The following SLC38A1 variants were observed in gnomAD, a reference collection of about 807,000 sequenced individuals.
SLC38A1 encodes sodium-coupled neutral amino acid symporter 1.
A neutral mutation model predicts 60.3 loss-of-function variants in SLC38A1; 18 were observed. That is an observed-to-expected ratio of 0.30 (90% CI 0.21 to 0.44). The LOEUF (loss-of-function observed/expected upper bound fraction) is 0.44. Ranked by LOEUF, SLC38A1 falls within the 20% of genes least tolerant of loss-of-function variation. The probability of loss-of-function intolerance (pLI) is 1.00; values close to 1 mark genes in which losing one functional copy is unlikely to be tolerated. For missense variants in SLC38A1, 448 were observed against 587.2 expected, an observed-to-expected ratio of 0.76 and a Z score of 2.45; for synonymous variants, 196 against 212.1, an observed-to-expected ratio of 0.92 and a Z score of 0.66.
At chr12:46,256,607 G>A (rs1009213059) in intron 1 of SLC38A1, among the ~76,000 whole-genome samples, 5 of 92,880 alleles carry the variant, frequency 5.4e-5, no homozygotes, top group African/African-American at 1.2e-4. Context: ...GTTTGCGCGC[G>A]CGCGCGCACA....
Position 46,207,147 on chromosome 12 carries a change from T to C in SLC38A1, c.563+8A>G. 1 of 1,590,796 alleles carries C rather than the reference T, an allele frequency of 6.3e-7. No homozygotes were observed. The highest frequency in any genetic ancestry group is 8.6e-7 in the Non-Finnish European group (1 of 1,164,276). On this transcript the variant is annotated splice_region_variant and intron_variant, in intron 8 of 16. Transcript: ENST00000398637. ...AGTTATATCATAAAAAAATGGTCTA[T>C]AACTTACGAAAATGTCTCTTCCTTT...
At chr12:46,260,504 A>G (rs1565799982) in intron 1 of SLC38A1, among the ~76,000 whole-genome samples, 3 of 152,232 alleles carry the variant, frequency 2.0e-5, no homozygotes, top group Admixed American at 1.3e-4. Context: ...GGCATGAAAG[A>G]GAGGTTATCT....
chr12:46,188,814 A>G lies in SLC38A1; in HGVS notation c.*156T>C, dbSNP rs1939024522. On this transcript the variant is annotated 3_prime_UTR_variant, in exon 17 of 17. Coordinates refer to ENST00000398637, the MANE Select transcript of SLC38A1 (RefSeq NM_030674.4). ...GAGGGACATGAAGCATTATAGAACC[A>G]TGTCTCTGTTTTGCAACCAAAAAGT... The G allele has an allele frequency of 1.7e-6, 1 of 581,824 alleles. No homozygotes were observed. Among genetic ancestry groups the G allele is most frequent in the Non-Finnish European group, 3.0e-6 (1 of 328,196 alleles). 36.0% of individuals were successfully genotyped at this position (581,824 alleles called of 1,614,324 possible).
intron 1 of SLC38A1, among the ~76,000 whole-genome samples, chr12:46,248,244 T>C (rs1396562834): frequency 6.6e-6 from 1 of 152,034 alleles, no homozygotes; most frequent in African/African-American, 2.4e-5. Flanking sequence ...GACTGGCAAA[T>C]TGGATAAAGA....
At chr12:46,190,299 T>C (rs1054999498) in intron 16 of SLC38A1, among the ~76,000 whole-genome samples, 4 of 152,232 alleles carry the variant, frequency 2.6e-5, no homozygotes, top group Non-Finnish European at 5.9e-5. Flanking sequence ...TACGATTCCA[T>C]GGTGTACATG....
rs1938866696 is a variant in SLC38A1, at chr12:46,184,342, G to T, written c.*4628C>A. 1 of 152,154 alleles carries T rather than the reference G, an allele frequency of 6.6e-6. No homozygotes were observed. Among genetic ancestry groups the T allele is most frequent in the Non-Finnish European group, 1.5e-5 (1 of 68,012 alleles). 9.4% of individuals were successfully genotyped at this position (152,154 alleles called of 1,614,324 possible). On this transcript the variant is annotated 3_prime_UTR_variant, in exon 17 of 17. Transcript: ENST00000398637. Reference sequence around the variant, plus strand: ...ACCTGCCATCCCCAAGGAAAATCATGTATTAGTATTGCTAAATGATGGTCT... The same window carrying T: ...ACCTGCCATCCCCAAGGAAAATCATTTATTAGTATTGCTAAATGATGGTCT...
At chr12:46,201,255 T>G in intron 12 of SLC38A1, 57 bp from the exon 13 acceptor site, 1 of 1,366,710 alleles carries the variant, frequency 7.3e-7, no homozygotes, top group Non-Finnish European at 1.0e-6. Flanking sequence ...TAAGCACCAG[T>G]GTTAACATTG....
intron 1 of SLC38A1, among the ~76,000 whole-genome samples, chr12:46,262,192 CA>C (rs1942218235): frequency 6.6e-6 from 1 of 152,202 alleles, no homozygotes; most frequent in Non-Finnish European, 1.5e-5. Context: ...CTCTTGTCTT[CA>C]AGTTCCCATA....
intron 5 of SLC38A1, among the ~76,000 whole-genome samples, chr12:46,215,904 T>C (rs1421570843): frequency 6.6e-6 from 1 of 152,200 alleles, no homozygotes; most frequent in Admixed American, 6.5e-5. Flanking sequence ...GATCTATCAC[T>C]GTCTCCTAAT....
intron 8 of SLC38A1, 130 bp downstream of exon 8, chr12:46,207,025 G>T: frequency 1.6e-6 from 1 of 632,268 alleles, no homozygotes; most frequent in Non-Finnish European, 2.7e-6. Context: ...ATTTATTGTT[G>T]AAACAACAAA....
In SLC38A1 at chr12:46,207,185, T is replaced by C; in HGVS notation, c.533A>G (p.Lys178Arg). 6.2e-7 allele frequency: 1 copy of C among 1,613,018 alleles called. No homozygotes were observed. Among genetic ancestry groups the C allele is most frequent in the South Asian group, 1.1e-5 (1 of 90,830 alleles). The change falls in exon 8 of 17, where the codon AAG (lysine) becomes AGG (arginine). Residue 178 changes from lysine to arginine, a missense_variant. This residue lies in a region of SLC38A1 where 346 missense variants were observed against 497.5 expected (regional missense o/e 0.70). Coordinates refer to ENST00000398637, the MANE Select transcript of SLC38A1 (RefSeq NM_030674.4). ...IVKNELPSAI[K>R]FLMGKEETFS... ...TGTCTCTTCCTTTCCCATTAGAAAC[T>C]TTATGGCAGAGGGTAGTTCATTTTT...
chr12:46,194,446 T>C (rs1394308562), intron 16 of SLC38A1, among the ~76,000 whole-genome samples: 2 of 152,194 alleles, frequency 1.3e-5, no homozygotes, highest in Non-Finnish European at 2.9e-5. Context: ...CTTTGTGGTG[T>C]TCTCTGTATT....
intron 3 of SLC38A1, among the ~76,000 whole-genome samples, chr12:46,237,286 G>C (rs925082542): frequency 6.6e-6 from 1 of 152,154 alleles, no homozygotes; most frequent in Non-Finnish European, 1.5e-5. Context: ...GGGGTATTTA[G>C]GTGTAGTTTT....
chr12:46,189,511 AC>A (rs1392233451), intron 16 of SLC38A1, among the ~76,000 whole-genome samples: 1 of 152,218 alleles, frequency 6.6e-6, no homozygotes, highest in Non-Finnish European at 1.5e-5. Flanking sequence ...TGGAAAAAAA[AC>A]ATACAAAAGC....
chr12:46,198,549 C>T, intron 14 of SLC38A1, 76 bp downstream of exon 14: 1 of 987,778 alleles, frequency 1.0e-6, no homozygotes, highest in Non-Finnish European at 1.5e-6. Flanking sequence ...CAGGCTTTCT[C>T]TGCAACGGGC....
chr12:46,207,254 C>T lies in SLC38A1; in HGVS notation c.482-18G>A, dbSNP rs1485901715. 1.9e-6 allele frequency: 3 copies of T among 1,596,912 alleles called. No individual in the cohort carries two copies. Among genetic ancestry groups the T allele is most frequent in the Admixed American group, 3.4e-5 (2 of 58,866 alleles). The stretch of plus-strand genomic sequence containing the variant: ...CAGCATTGCTGAAGGAAAATGAGAA[C>T]ATTTTTAGAAAGAAGATACGAAGGC... On this transcript the variant is annotated intron_variant, in intron 7 of 16. Transcript: ENST00000398637.
Position 46,187,786 on chromosome 12 carries a change from T to C in SLC38A1, c.*1184A>G, listed in dbSNP as rs1194841959. The stretch of plus-strand genomic sequence containing the variant: ...TCACAAAGACTATCTCTGAGGGTTT[T>C]TTTTTTTTTTTTTTCACAAGACTAG... On this transcript the variant is annotated 3_prime_UTR_variant, in exon 17 of 17. Coordinates refer to ENST00000398637, the MANE Select transcript of SLC38A1 (RefSeq NM_030674.4). 7.3e-6 allele frequency: 1 copy of C among 136,298 alleles called. No individual in the cohort carries two copies. Among genetic ancestry groups the C allele is most frequent in the African/African-American group, 3.4e-5 (1 of 29,430 alleles). 8.4% of individuals were successfully genotyped at this position (136,298 alleles called of 1,614,324 possible). A position where few individuals can be genotyped will look rare whatever the true frequency, so the allele number is the denominator to read the frequency against.
Position 46,197,832 on chromosome 12 carries a change from A to G in SLC38A1, c.1265-15T>C. On this transcript the variant is annotated splice_polypyrimidine_tract_variant and intron_variant, in intron 15 of 16. Transcript: ENST00000398637. ...AGATGTAACTCCTGTAAAATAAGAC[A>G]AAAGAGAAAGTTTAGCATTGCTATT... 1 of 1,597,290 alleles carries G rather than the reference A, an allele frequency of 6.3e-7. No homozygotes were observed. Among genetic ancestry groups the G allele is most frequent in the South Asian group, 1.1e-5 (1 of 88,288 alleles).
chr12:46,211,203 C>T (rs1025924759), intron 5 of SLC38A1, among the ~76,000 whole-genome samples: 7 of 152,138 alleles, frequency 4.6e-5, no homozygotes, highest in African/African-American at 1.2e-4. Flanking sequence ...AGAGGATTTC[C>T]GTGTGGCACA....
Sources: allele counts gnomAD v4.1 joint callset (sites outside exome capture counted in the v4.1 genomes callset), GRCh38; gene constraint gnomAD v4.1.1; regional missense constraint gnomAD v4.1.1; transcripts MANE v1.5; gene names NCBI Gene and HGNC (gene_info 2026-07-23, HGNC 2026-07-21).